The following ATR variants were observed in gnomAD, a reference collection of about 807,000 sequenced individuals.
The protein encoded by ATR is serine/threonine-protein kinase ATR.
ATR carries 142 observed loss-of-function variants against 305.3 expected under a neutral mutation model. The ratio of observed to expected loss-of-function variants is 0.47; its 90% CI spans 0.41 to 0.53. The LOEUF (loss-of-function observed/expected upper bound fraction) is 0.53, where lower values mean the gene tolerates loss of function less well. ATR is among the 20% of genes least tolerant of loss of function. ATR has a pLI of 0.00. For synonymous variants in ATR, 1,050 were observed against 1,068.1 expected (o/e 0.98, Z 0.33); for missense variants, 2,135 against 3,133.1 (o/e 0.68, Z 7.60).
intron 20 of ATR, 34 bp downstream of exon 20, chr3:142,536,074 T>C (rs1385678595): frequency 2.9e-6 from 4 of 1,390,160 alleles, no homozygotes; most frequent in Non-Finnish European, 1.0e-6. Context: ...TCTGTATTAA[T>C]GATCTCCTAA....
chr3:142,478,938 C>G (rs2030179994), intron 36 of ATR, among the ~76,000 whole-genome samples: 1 of 152,020 alleles, frequency 6.6e-6, no homozygotes, highest in South Asian at 2.1e-4. Context: ...TTTCCATTTG[C>G]TTGGTAGATC....
At chr3:142,568,261 A>G (rs760329556) in intron 1 of ATR, 107 bp from the exon 2 acceptor site, 96 of 797,878 alleles carry the variant, frequency 1.2e-4, no homozygotes, top group Non-Finnish European at 1.9e-4. Context: ...GTCAATGTTG[A>G]TATTCACAGT....
chr3:142,538,458 T>C (rs2033932914), intron 19 of ATR, 24 bp downstream of exon 19: 4 of 1,599,418 alleles, frequency 2.5e-6, no homozygotes, highest in Non-Finnish European at 3.4e-6. Context: ...GTTATTATTT[T>C]ACTATTAATT....
intron 45 of ATR, among the ~76,000 whole-genome samples, chr3:142,456,188 C>T (rs1221336328): frequency 6.6e-6 from 1 of 151,928 alleles, no homozygotes; most frequent in Non-Finnish European, 1.5e-5. Flanking sequence ...CTTGAACCCA[C>T]GAAGCGGAGG....
intron 36 of ATR, among the ~76,000 whole-genome samples, chr3:142,478,167 T>A (rs1184171142): frequency 6.6e-6 from 1 of 152,212 alleles, no homozygotes; most frequent in Non-Finnish European, 1.5e-5. Context: ...TTCTAGTTCT[T>A]TTAATTGTGA....
intron 41 of ATR, among the ~76,000 whole-genome samples, chr3:142,464,600 T>TG (rs2071087649): frequency 6.6e-6 from 1 of 152,222 alleles, no homozygotes. Context: ...CTTTGAATAA[T>TG]GCCAAGTGAT....
rs147238500 is a variant in ATR, at chr3:142,576,627, CAT to C, written c.59+2017_59+2018del. Among the ~76,000 whole-genome samples, 230 of 152,250 alleles carry C rather than the reference CAT, an allele frequency of 1.5e-3. 2 individuals carry two copies. The highest frequency in any genetic ancestry group is 5.3e-3 in the African/African-American group (222 of 41,552). On this transcript the variant is annotated intron_variant, in intron 1 of 46. Coordinates refer to ENST00000350721, the MANE Select transcript of ATR (RefSeq NM_001184.4). ...AAAAGAAAGCTTGTGAAAGCTAGGACATGTGGGGAATTTGTATTGGATATTCT... is the reference window on the plus strand; with the variant it reads ...AAAAGAAAGCTTGTGAAAGCTAGGACGTGGGGAATTTGTATTGGATATTCT...
At chr3:142,451,160 G>A (rs996802798) in intron 46 of ATR, 1 of 1,214,586 alleles carries the variant, frequency 8.2e-7, no homozygotes. Context: ...ATCCACTGAG[G>A]AATCTTCCAA....
intron 21 of ATR, among the ~76,000 whole-genome samples, chr3:142,532,458 G>T (rs1438987783): frequency 6.6e-6 from 1 of 152,066 alleles, no homozygotes; most frequent in Non-Finnish European, 1.5e-5. Context: ...TTTCTACATA[G>T]AAATCATTTT....
rs1287616960 is a variant in ATR, at chr3:142,461,958, T to G, written c.7174A>C (p.Lys2392Gln). The G allele has an allele frequency of 6.2e-7, 1 of 1,613,626 alleles. No homozygotes were observed. ...NTAGLRPILT[K>Q]LYKEKGVYMT... is the part of the protein sequence containing the mutation. The stretch of plus-strand genomic sequence containing the variant: ...TTAGTACCCTTTTCTTTATATAGTT[T>G]GGTCAGAATAGGTCTCAAACCAGCA... The change falls in exon 42 of 47, where the codon AAA (lysine) becomes CAA (glutamine). Residue 2392 changes from lysine to glutamine, a missense_variant. By Grantham distance (53) the Lys-to-Gln change is moderately conservative. Coordinates refer to ENST00000350721, the MANE Select transcript of ATR (RefSeq NM_001184.4).
chr3:142,493,327 C>A lies in ATR; in HGVS notation c.5899-16G>T. On this transcript the variant is annotated splice_polypyrimidine_tract_variant and intron_variant, in intron 34 of 46. Coordinates refer to ENST00000350721, the MANE Select transcript of ATR (RefSeq NM_001184.4). ...GAACATCACCCTAAAAGAAAAAAGG[C>A]AACAATAAGCCTTTTAATTTAAAAA... 6.2e-7 allele frequency: 1 copy of A among 1,601,136 alleles called. No individual in the cohort carries two copies. The highest frequency in any genetic ancestry group is 1.7e-5 in the Admixed American group (1 of 58,688).
intron 44 of ATR, 100 bp from the exon 45 acceptor site, chr3:142,457,855 A>G (rs1348641092): frequency 1.6e-6 from 2 of 1,284,376 alleles, no homozygotes. Flanking sequence ...AAAAGCAAAA[A>G]TACCCTCAAA....
At chr3:142,576,949 A>C in intron 1 of ATR, among the ~76,000 whole-genome samples, 1 of 152,288 alleles carries the variant, frequency 6.6e-6, no homozygotes, top group East Asian at 1.9e-4. Context: ...AAGAGGAAAC[A>C]TTTTGGAAGA....
rs2035131737 is a variant in ATR, at chr3:142,568,068, T to G, written c.146A>C (p.Asn49Thr). Reference sequence around the variant, plus strand: ...AGAAATAATTGGTTTCTTACCAACATTTACATCTGTAAGTATCCGGTCAAT... The same window carrying G: ...AGAAATAATTGGTTTCTTACCAACAGTTACATCTGTAAGTATCCGGTCAAT... ...QFIDRILTDVNVVAVELVKKT... is the reference protein window; with the variant it reads ...QFIDRILTDVTVVAVELVKKT... The change falls in exon 2 of 47, where the codon AAT becomes ACT. Residue 49 changes from asparagine to threonine, a missense_variant. Asn to Thr is a moderately conservative substitution (Grantham distance 65). This residue lies in a region of ATR where 744 missense variants were observed against 873.2 expected (regional missense o/e 0.85). Coordinates refer to ENST00000350721, the MANE Select transcript of ATR (RefSeq NM_001184.4). 3 of 1,604,900 alleles carry G rather than the reference T, an allele frequency of 1.9e-6. No individual in the cohort carries two copies. The highest frequency in any genetic ancestry group is 2.6e-6 in the Non-Finnish European group (3 of 1,174,182).
chr3:142,568,193 C>T, intron 1 of ATR, 39 bp from the exon 2 acceptor site: 1 of 1,548,358 alleles, frequency 6.5e-7, no homozygotes, highest in Non-Finnish European at 8.9e-7. Context: ...CTTAAAGTGA[C>T]TCAGTTTCAT....
chr3:142,460,836 C>T (rs546202867), intron 42 of ATR, among the ~76,000 whole-genome samples: 3 of 152,250 alleles, frequency 2.0e-5, no homozygotes, highest in South Asian at 2.1e-4. Flanking sequence ...ATCAATGATA[C>T]GGAGTTCCCA....
At chr3:142,561,869 T>A (rs904485600) in intron 4 of ATR, among the ~76,000 whole-genome samples, 2 of 152,230 alleles carry the variant, frequency 1.3e-5, no homozygotes, top group Non-Finnish European at 2.9e-5. Context: ...TCATAGGTTT[T>A]CTAAAAGTGA....
intron 36 of ATR, 44 bp from the exon 37 acceptor site, chr3:142,470,227 T>C (rs1241793393): frequency 7.0e-7 from 1 of 1,423,728 alleles, no homozygotes; most frequent in Admixed American, 1.8e-5. Context: ...TAGCTGTCAT[T>C]TTTATATTAT....
At chr3:142,466,942 A>C (rs796079185) in intron 39 of ATR, among the ~76,000 whole-genome samples, 19 of 152,306 alleles carry the variant, frequency 1.2e-4, no homozygotes, top group African/African-American at 4.1e-4. Flanking sequence ...GTTTCAGATA[A>C]AGAACTGGAA....
Sources: allele counts gnomAD v4.1 joint callset (sites outside exome capture counted in the v4.1 genomes callset), GRCh38; gene constraint gnomAD v4.1.1; regional missense constraint gnomAD v4.1.1; transcripts MANE v1.5; gene names NCBI Gene and HGNC (gene_info 2026-07-23, HGNC 2026-07-21).